Variants in SAMMSON observed in about 807,000 individuals in gnomAD.
The protein encoded by SAMMSON is long intergenic non-protein coding RNA 1212.
chr3:70,160,501 C>T (rs2067610565), intron 4 of SAMMSON, among the ~76,000 whole-genome samples: 1 of 151,950 alleles, frequency 6.6e-6, no homozygotes, highest in Non-Finnish European at 1.5e-5. Flanking sequence ...GACAATCGAC[C>T]ATTCATAGAA....
At chr3:70,091,006 G>A (rs1048396972) in intron 4 of SAMMSON, among the ~76,000 whole-genome samples, 4 of 152,102 alleles carry the variant, frequency 2.6e-5, no homozygotes, top group African/African-American at 9.7e-5. Context: ...ATGTAAGTGG[G>A]ACTGTAACTT....
intron 7 of SAMMSON, among the ~76,000 whole-genome samples, chr3:70,352,538 A>T (rs1272697472): frequency 6.6e-6 from 1 of 152,156 alleles, no homozygotes; most frequent in African/African-American, 2.4e-5. Flanking sequence ...AAAGAAAACA[A>T]TGAAAATTCC....
chr3:70,290,874 C>T (rs1298641637), intron 6 of SAMMSON, among the ~76,000 whole-genome samples: 1 of 152,176 alleles, frequency 6.6e-6, no homozygotes, highest in African/African-American at 2.4e-5. Flanking sequence ...ACTCGCTGAC[C>T]CCTTGCGCTT....
intron 4 of SAMMSON, among the ~76,000 whole-genome samples, chr3:70,082,750 A>C (rs1390818020): frequency 6.6e-6 from 1 of 152,152 alleles, no homozygotes; most frequent in Non-Finnish European, 1.5e-5. Flanking sequence ...CTGTCCATGA[A>C]ATGTAGGGAG....
chr3:70,036,349 A>G (rs1056214799), intron 3 of SAMMSON, among the ~76,000 whole-genome samples: 2 of 152,136 alleles, frequency 1.3e-5, no homozygotes, highest in African/African-American at 2.4e-5. Context: ...TCATGTGTCC[A>G]ACAGCCTGTA....
intron 2 of SAMMSON, among the ~76,000 whole-genome samples, chr3:70,405,534 A>T (rs948606428): frequency 5.3e-5 from 8 of 152,314 alleles, no homozygotes; most frequent in Middle Eastern, 3.4e-3. Flanking sequence ...ACTTCTAGAG[A>T]TGAAAATCTA....
intron 4 of SAMMSON, among the ~76,000 whole-genome samples, chr3:70,199,170 T>C (rs1701210221): frequency 6.6e-6 from 1 of 152,144 alleles, no homozygotes; most frequent in Admixed American, 6.5e-5. Flanking sequence ...AAGTTTGCTT[T>C]GGAGTTAAGT....
At position 70,263,681 on chromosome 3, in the gene SAMMSON, C is replaced by T. The variant is rs141704299; in HGVS notation, n.674+14011C>T. On this transcript the variant is annotated intron_variant and non_coding_transcript_variant, in intron 6 of 9. Coordinates refer to ENST00000642114, the Ensembl canonical transcript of SAMMSON. The stretch of plus-strand genomic sequence containing the variant: ...CTACGCAAATTTATAAAATATTTAT[C>T]TACCGAGCTCCCTTCTCTTGGGTTC... Among the ~76,000 whole-genome samples, 478 of 152,296 alleles carry T rather than the reference C, an allele frequency of 3.1e-3. 3 individuals carry two copies. The highest frequency in any genetic ancestry group is 0.011 in the African/African-American group (453 of 41,570).
At chr3:70,405,150 T>A (rs1376534592) in intron 2 of SAMMSON, among the ~76,000 whole-genome samples, 1 of 152,104 alleles carries the variant, frequency 6.6e-6, no homozygotes, top group East Asian at 1.9e-4. Flanking sequence ...AATGGGGCAT[T>A]TGGTAGATAC....
intron 4 of SAMMSON, chr3:70,172,284 T>C (rs1700964718): frequency 6.6e-6 from 1 of 150,636 alleles, no homozygotes; most frequent in Admixed American, 6.6e-5. Context: ...TTTTTTTTTT[T>C]TTTCTTTTTA....
At chr3:70,230,100 A>C (rs1234338546) in intron 4 of SAMMSON, among the ~76,000 whole-genome samples, 1 of 152,168 alleles carries the variant, frequency 6.6e-6, no homozygotes, top group Non-Finnish European at 1.5e-5. Flanking sequence ...GGGAGTTGGA[A>C]ATATTTACTT....
At chr3:70,080,474 C>T (rs2067263930) in intron 4 of SAMMSON, among the ~76,000 whole-genome samples, 1 of 152,166 alleles carries the variant, frequency 6.6e-6, no homozygotes. Context: ...TGAACAAATA[C>T]ATGTATAGAT....
At chr3:70,414,420 T>C (rs1314705087) in intron 2 of SAMMSON, among the ~76,000 whole-genome samples, 1 of 152,136 alleles carries the variant, frequency 6.6e-6, no homozygotes, top group Non-Finnish European at 1.5e-5. Context: ...TTTTCATAAA[T>C]AACCAACCTA....
At chr3:70,206,201 T>C (rs1055184698) in intron 4 of SAMMSON, among the ~76,000 whole-genome samples, 3 of 152,100 alleles carry the variant, frequency 2.0e-5, no homozygotes, top group African/African-American at 7.2e-5. Context: ...ATTTTAATAC[T>C]ATTTCTCTCT....
intron 4 of SAMMSON, among the ~76,000 whole-genome samples, chr3:70,168,816 A>G (rs369296343): frequency 6.6e-6 from 1 of 152,080 alleles, no homozygotes; most frequent in South Asian, 2.1e-4. Context: ...GTACTATTCT[A>G]AAGGGGGTTA....
chr3:70,342,658 T>C (rs1702719878), intron 7 of SAMMSON, among the ~76,000 whole-genome samples: 1 of 152,194 alleles, frequency 6.6e-6, no homozygotes, highest in South Asian at 2.1e-4. Flanking sequence ...ACAGGGAGTT[T>C]ATGAGATATA....
chr3:70,148,718 AACTC>A (rs923429983), intron 4 of SAMMSON, among the ~76,000 whole-genome samples: 24 of 152,130 alleles, frequency 1.6e-4, no homozygotes, highest in Middle Eastern at 6.8e-3. Context: ...CTAGAGCAAG[AACTC>A]ACTCACTACC....
chr3:70,388,286 T>A (rs553122347), intron 9 of SAMMSON, among the ~76,000 whole-genome samples: 1 of 152,276 alleles, frequency 6.6e-6, no homozygotes, highest in South Asian at 2.1e-4. Flanking sequence ...ATTATCTATG[T>A]CTGCTTTTAC....
chr3:70,425,645 C>A (rs1272929769), intron 2 of SAMMSON, among the ~76,000 whole-genome samples: 1 of 151,908 alleles, frequency 6.6e-6, no homozygotes, highest in Admixed American at 6.6e-5. Context: ...GATCTACTGA[C>A]CTCATGATCC....
Sources: allele counts gnomAD v4.1 joint callset (sites outside exome capture counted in the v4.1 genomes callset), GRCh38; gene constraint gnomAD v4.1.1; transcripts MANE v1.5; gene names NCBI Gene and HGNC (gene_info 2026-07-23, HGNC 2026-07-21).